Variants in CNTN4 observed in about 807,000 individuals in gnomAD.
CNTN4 encodes contactin 4.
A neutral mutation model predicts 122.5 loss-of-function variants in CNTN4; 77 were observed. The ratio of observed to expected loss-of-function variants is 0.63; its 90% CI spans 0.52 to 0.76. The LOEUF (loss-of-function observed/expected upper bound fraction) is 0.76. CNTN4 is among the 30% of genes least tolerant of loss of function. The probability of loss-of-function intolerance (pLI) is 0.00; values close to 1 mark genes in which losing one functional copy is unlikely to be tolerated. For missense variants in CNTN4, 1,256 were observed against 1,259.1 expected (o/e 1.00, Z 0.04); for synonymous variants, 512 against 447.0 (o/e 1.15, Z -1.83).
chr3:2,153,859 G>A (rs539148944), intron 2 of CNTN4, among the ~76,000 whole-genome samples: 1 of 152,240 alleles, frequency 6.6e-6, no homozygotes, highest in African/African-American at 2.4e-5. Context: ...TTCACATGGG[G>A]TAATGGTATT....
chr3:2,230,121 G>T (rs1994455), intron 2 of CNTN4, among the ~76,000 whole-genome samples: 27,797 of 152,200 alleles, frequency 0.18, 3,331 homozygotes, highest in South Asian at 0.38. Flanking sequence ...AATCCCAGCT[G>T]TGACTTAAGA....
At position 2,121,156 on chromosome 3, in the gene CNTN4, T is replaced by G. The variant is rs76752903; in HGVS notation, c.-145+20517T>G. On this transcript the variant is annotated intron_variant, in intron 2 of 24. Transcript: ENST00000418658. ...TCCTTCTTTTTTCCCCTTCCTCTCT[T>G]TGTTCCTTCCTCCCTCTTACCAAAT... is the stretch of plus-strand genomic sequence containing the variant. Among the ~76,000 whole-genome samples the G allele has an allele frequency of 1.3e-4, 19 of 151,832 alleles. No homozygotes were observed. The East Asian group carries it at 3.7e-3, about 30-fold the overall frequency.
intron 4 of CNTN4, among the ~76,000 whole-genome samples, chr3:2,672,709 A>T (rs1197447964): frequency 6.6e-6 from 1 of 152,222 alleles, no homozygotes; most frequent in Non-Finnish European, 1.5e-5. Context: ...GGAGCTGTAG[A>T]CTGGAGCTGT....
intron 3 of CNTN4, among the ~76,000 whole-genome samples, chr3:2,470,945 A>G (rs1419154811): frequency 6.6e-6 from 1 of 152,228 alleles, no homozygotes; most frequent in Non-Finnish European, 1.5e-5. Flanking sequence ...TACCCTTAAG[A>G]TGCTGTCACA....
intron 2 of CNTN4, among the ~76,000 whole-genome samples, chr3:2,311,657 C>T (rs890016126): frequency 6.6e-6 from 1 of 152,014 alleles, no homozygotes; most frequent in Non-Finnish European, 1.5e-5. Context: ...TTCACTGATC[C>T]GGCATGCTAA....
chr3:2,767,941 G>A (rs2090935902), intron 6 of CNTN4, among the ~76,000 whole-genome samples: 1 of 152,200 alleles, frequency 6.6e-6, no homozygotes, highest in Non-Finnish European at 1.5e-5. Flanking sequence ...CATAGCAGTG[G>A]GCGTGTAAGG....
intron 4 of CNTN4, among the ~76,000 whole-genome samples, chr3:2,668,929 T>G (rs1432407441): frequency 6.6e-6 from 1 of 152,076 alleles, no homozygotes; most frequent in African/African-American, 2.4e-5. Flanking sequence ...CCTTGCATCA[T>G]AGGGATGAAG....
intron 13 of CNTN4, among the ~76,000 whole-genome samples, chr3:2,935,394 G>A (rs1301860536): frequency 1.3e-5 from 2 of 152,142 alleles, no homozygotes; most frequent in East Asian, 3.9e-4. Context: ...TTGCAAGTAA[G>A]TCCTTTGCCA....
intron 3 of CNTN4, among the ~76,000 whole-genome samples, chr3:2,356,413 CG>C (rs1287818160): frequency 1.3e-5 from 2 of 152,000 alleles, no homozygotes; most frequent in Admixed American, 1.3e-4. Context: ...CTTTTTAGAC[CG>C]TATAGGGTAA....
At chr3:3,032,298 G>A (rs1481627609) in intron 16 of CNTN4, among the ~76,000 whole-genome samples, 1 of 152,128 alleles carries the variant, frequency 6.6e-6, no homozygotes, top group East Asian at 1.9e-4. Context: ...ATTTAATTAG[G>A]ATAATGTTCA....
intron 2 of CNTN4, among the ~76,000 whole-genome samples, chr3:2,243,178 C>G (rs1368148516): frequency 6.6e-6 from 1 of 152,156 alleles, no homozygotes; most frequent in Admixed American, 6.6e-5. Flanking sequence ...AAATGCATAA[C>G]TTTCTTTTGA....
intron 4 of CNTN4, among the ~76,000 whole-genome samples, chr3:2,571,766 T>C (rs1300828215): frequency 6.6e-6 from 1 of 152,228 alleles, no homozygotes; most frequent in African/African-American, 2.4e-5. Context: ...TAGACACCGA[T>C]GTTTCACCTG....
chr3:2,269,897 A>AGTTTGTTT lies in CNTN4; in HGVS notation c.-144-69268_-144-69261dup, dbSNP rs138625814. ...CCCCCGCCCATCCCCTATTATAGCC[A>AGTTTGTTT]GTTTGTTTGTTTGTTTGTTTATTTA... On this transcript the variant is annotated intron_variant, in intron 2 of 24. Coordinates refer to ENST00000418658, the MANE Select transcript of CNTN4 (RefSeq NM_175607.3). Among the ~76,000 whole-genome samples the AGTTTGTTT allele has an allele frequency of 8.6e-4, 59 of 68,874 alleles. 12 individuals carry two copies. Among genetic ancestry groups the AGTTTGTTT allele is most frequent in the African/African-American group, 2.0e-3 (56 of 27,660 alleles). The allele number at this position is 68,874 out of a possible 152,430, so 45.2% of individuals were successfully genotyped here. A position where few individuals can be genotyped will look rare whatever the true frequency, so the allele number is the denominator to read the frequency against.
chr3:2,336,630 A>T (rs2043966043), intron 2 of CNTN4, among the ~76,000 whole-genome samples: 1 of 152,142 alleles, frequency 6.6e-6, no homozygotes, highest in African/African-American at 2.4e-5. Flanking sequence ...TCACATAATA[A>T]GGGTTGTTGA....
intron 2 of CNTN4, among the ~76,000 whole-genome samples, chr3:2,227,908 C>T (rs1242219207): frequency 6.6e-6 from 1 of 152,078 alleles, no homozygotes; most frequent in Non-Finnish European, 1.5e-5. Flanking sequence ...TTAACAAACA[C>T]TCAAAGTAAA....
In CNTN4 at chr3:2,873,583, T is replaced by C. The variant is rs766066401; in HGVS notation, c.652+6634T>C. 2.6e-5 allele frequency among the ~76,000 whole-genome samples: 4 copies of C among 152,264 alleles called. 1 individual carries two copies. In the South Asian group the frequency reaches 8.3e-4, roughly 31 times the overall value. On this transcript the variant is annotated intron_variant, in intron 8 of 24. Transcript: ENST00000418658. ...CTGAAATATTCTTGTTGCAGCATCA[T>C]GCATCCTCCATTATGGTCTTGCCAA...
intron 2 of CNTN4, among the ~76,000 whole-genome samples, chr3:2,133,185 GTAAT>G (rs1331962329): frequency 6.6e-6 from 1 of 152,152 alleles, no homozygotes; most frequent in Non-Finnish European, 1.5e-5. Context: ...CCTCCTGTCT[GTAAT>G]TAATTCTAGC....
intron 4 of CNTN4, among the ~76,000 whole-genome samples, chr3:2,640,344 T>C (rs2082847199): frequency 6.6e-6 from 1 of 152,140 alleles, no homozygotes; most frequent in Admixed American, 6.6e-5. Context: ...TATTCAGAGA[T>C]TTTGTAAGGC....
At chr3:2,733,715 T>C (rs753076571) in intron 4 of CNTN4, among the ~76,000 whole-genome samples, 4 of 151,894 alleles carry the variant, frequency 2.6e-5, no homozygotes, top group Non-Finnish European at 5.9e-5. Flanking sequence ...TTTGAATTTT[T>C]AGTAGTGATG....
Sources: allele counts gnomAD v4.1 joint callset (sites outside exome capture counted in the v4.1 genomes callset), GRCh38; gene constraint gnomAD v4.1.1; transcripts MANE v1.5; gene names NCBI Gene and HGNC (gene_info 2026-07-23, HGNC 2026-07-21).